RUNX1: variants seen among roughly 807,000 people sequenced by gnomAD.
RUNX1 encodes runt-related transcription factor 1.
In RUNX1, 19 loss-of-function variants were observed where a neutral mutation model predicts 42.8. That is an observed-to-expected ratio of 0.44 (90% CI 0.31 to 0.65). The LOEUF is 0.65. Ranked by LOEUF, RUNX1 falls within the 30% of genes least tolerant of loss-of-function variation. RUNX1 has a pLI of 0.07. For missense variants in RUNX1, 528 were observed against 672.0 expected (o/e 0.79, Z 2.37); for synonymous variants, 271 against 289.4 (o/e 0.94, Z 0.64).
chr21:35,036,203 AT>A (rs1299224455), intron 2 of RUNX1, among the ~76,000 whole-genome samples: 1 of 152,192 alleles, frequency 6.6e-6, no homozygotes, highest in Non-Finnish European at 1.5e-5. Flanking sequence ...ATAGCATGAA[AT>A]TTTTACTTTC....
chr21:34,804,942 A>G (rs1274365512), intron 7 of RUNX1, among the ~76,000 whole-genome samples: 2 of 151,908 alleles, frequency 1.3e-5, no homozygotes, highest in African/African-American at 2.4e-5. Context: ...TGGTAGAGAC[A>G]GGGTTTCACC....
intron 2 of RUNX1, among the ~76,000 whole-genome samples, chr21:34,893,627 T>C (rs892949706): frequency 2.6e-5 from 4 of 152,154 alleles, no homozygotes; most frequent in African/African-American, 4.8e-5. Context: ...TGTTGTGAAT[T>C]TGAAATTACT....
intron 7 of RUNX1, among the ~76,000 whole-genome samples, chr21:34,815,200 G>T (rs1430463290): frequency 6.6e-6 from 1 of 151,918 alleles, no homozygotes; most frequent in Non-Finnish European, 1.5e-5. Context: ...CAAAGGGAAG[G>T]TTGACAAGGA....
intron 2 of RUNX1, among the ~76,000 whole-genome samples, chr21:34,923,715 A>C (rs2058371892): frequency 8.8e-6 from 1 of 113,128 alleles, no homozygotes; most frequent in South Asian, 2.3e-4. Flanking sequence ...GCAAAAGCTC[A>C]AGTCTTTCTT....
At chr21:34,912,661 T>G (rs1277170895) in intron 2 of RUNX1, among the ~76,000 whole-genome samples, 1 of 152,210 alleles carries the variant, frequency 6.6e-6, no homozygotes, top group African/African-American at 2.4e-5. Flanking sequence ...CTCAGAAGAC[T>G]GTTCCCATTG....
chr21:34,788,798 A>G lies in RUNX1; in HGVS notation c.*3337T>C. On this transcript the variant is annotated 3_prime_UTR_variant, in exon 9 of 9. Coordinates refer to ENST00000675419, the MANE Select transcript of RUNX1 (RefSeq NM_001754.5). ...AAGGCATTTTGTTCAGATGTAAAAT[A>G]TGTTTTGTGAGATTATTGTCAAACA... is the stretch of plus-strand genomic sequence containing the variant. The G allele has an allele frequency of 4.3e-6, 1 of 233,626 alleles. No homozygotes were observed. The highest frequency in any genetic ancestry group is 8.5e-6 in the Non-Finnish European group (1 of 118,036). 14.5% of individuals were successfully genotyped at this position (233,626 alleles called of 1,614,324 possible). A position where few individuals can be genotyped will look rare whatever the true frequency, so the allele number is the denominator to read the frequency against.
At chr21:34,933,980 C>T (rs1033320918) in intron 2 of RUNX1, among the ~76,000 whole-genome samples, 3 of 152,196 alleles carry the variant, frequency 2.0e-5, no homozygotes, top group Non-Finnish European at 4.4e-5. Flanking sequence ...CAGGTAACAA[C>T]TTGCAAGTGC....
intron 2 of RUNX1, among the ~76,000 whole-genome samples, chr21:35,022,895 G>GAACAATAATAATAATAAT (rs139107613): frequency 6.9e-6 from 1 of 144,254 alleles, no homozygotes; most frequent in Non-Finnish European, 1.5e-5. Context: ...TACTCTGTTT[G>GAACAATAATAATAATAAT]AATAATAATA....
intron 6 of RUNX1, among the ~76,000 whole-genome samples, chr21:34,838,920 T>C (rs1429488054): frequency 2.6e-5 from 4 of 151,462 alleles, no homozygotes; most frequent in Admixed American, 6.6e-5. Flanking sequence ...ATATACTATA[T>C]AATATAAACT....
intron 7 of RUNX1, among the ~76,000 whole-genome samples, chr21:34,832,127 G>C (rs1569034566): frequency 6.6e-6 from 1 of 152,156 alleles, no homozygotes; most frequent in African/African-American, 2.4e-5. Flanking sequence ...TGTTGCAGAA[G>C]TAAAAGTTTT....
chr21:34,923,657 A>AT lies in RUNX1; in HGVS notation c.59-30695dup, dbSNP rs552258136. ...TGACCCCATACCTTCTGCTCTTCTTATATTTCCCATTTCAGTGAACAGCAA... is the reference window on the plus strand; with the variant it reads ...TGACCCCATACCTTCTGCTCTTCTTATTATTTCCCATTTCAGTGAACAGCAA... On this transcript the variant is annotated intron_variant, in intron 2 of 8. Transcript: ENST00000675419. Among the ~76,000 whole-genome samples the AT allele has an allele frequency of 2.2e-3, 339 of 152,246 alleles. 2 individuals are homozygous for AT. Among genetic ancestry groups the AT allele is most frequent in the African/African-American group, 7.7e-3 (320 of 41,536 alleles).
At chr21:35,020,719 T>C (rs1337735035) in intron 2 of RUNX1, among the ~76,000 whole-genome samples, 1 of 152,210 alleles carries the variant, frequency 6.6e-6, no homozygotes, top group Non-Finnish European at 1.5e-5. Flanking sequence ...ACTGATTCTC[T>C]GTGGTCTAGG....
intron 2 of RUNX1, among the ~76,000 whole-genome samples, chr21:35,022,494 C>A (rs1426676465): frequency 1.3e-5 from 2 of 152,216 alleles, no homozygotes; most frequent in African/African-American, 4.8e-5. Context: ...TCAGCAATCA[C>A]TGCTGATCAC....
chr21:34,798,203 C>G, intron 8 of RUNX1: 1 of 449,608 alleles, frequency 2.2e-6, no homozygotes, highest in Non-Finnish European at 4.5e-6. Context: ...AAAGCAAGAC[C>G]CGCCCCGTTC....
At chr21:34,942,732 C>T (rs1423616762) in intron 2 of RUNX1, among the ~76,000 whole-genome samples, 2 of 152,174 alleles carry the variant, frequency 1.3e-5, no homozygotes, top group Admixed American at 1.3e-4. Flanking sequence ...ATGCCCCTCT[C>T]TTGCTGGCAT....
chr21:34,878,068 C>T (rs187274208), intron 5 of RUNX1, among the ~76,000 whole-genome samples: 6 of 150,058 alleles, frequency 4.0e-5, no homozygotes, highest in African/African-American at 1.2e-4. Context: ...CTTAATAAAA[C>T]GTAATGAAAC....
At chr21:34,840,626 G>C (rs201195657) in intron 6 of RUNX1, among the ~76,000 whole-genome samples, 4,124 of 145,048 alleles carry the variant, frequency 0.028, 67 homozygotes, top group African/African-American at 0.042. Context: ...ACACCTGGCT[G>C]CGGGAGCCAC....
chr21:35,042,892 G>A (rs140448365), intron 2 of RUNX1, among the ~76,000 whole-genome samples: 56 of 152,216 alleles, frequency 3.7e-4, no homozygotes, highest in East Asian at 2.7e-3. Flanking sequence ...CATAATTTCC[G>A]TCATGTTTCG....
At chr21:34,977,392 C>A (rs1342412832) in intron 2 of RUNX1, among the ~76,000 whole-genome samples, 1 of 152,166 alleles carries the variant, frequency 6.6e-6, no homozygotes, top group African/African-American at 2.4e-5. Flanking sequence ...AAAACTACCC[C>A]AGGAGGGTTA....
Sources: allele counts gnomAD v4.1 joint callset (sites outside exome capture counted in the v4.1 genomes callset), GRCh38; gene constraint gnomAD v4.1.1; transcripts MANE v1.5; gene names NCBI Gene and HGNC (gene_info 2026-07-23, HGNC 2026-07-21).